The following DDX42 variants were observed in gnomAD, a reference collection of about 807,000 sequenced individuals.
DDX42 encodes the protein DEAD-box helicase 42.
Under a neutral mutation model 101.5 loss-of-function variants are expected in DDX42, and 22 were observed. The ratio of observed to expected loss-of-function variants is 0.22; its 90% CI spans 0.15 to 0.31. DDX42 has a LOEUF of 0.31. Ranked by LOEUF, DDX42 falls within the 10% of genes least tolerant of loss-of-function variation. The pLI, the probability that DDX42 is intolerant of heterozygous loss-of-function variation, is 1.00. For missense variants in DDX42, 849 were observed against 1,199.9 expected (o/e 0.71, Z 4.32); for synonymous variants, 402 against 401.2 (o/e 1.00, Z -0.02).
chr17:63,803,308 G>A (rs1396031817), intron 6 of DDX42, among the ~76,000 whole-genome samples: 2 of 151,762 alleles, frequency 1.3e-5, no homozygotes, highest in Non-Finnish European at 2.9e-5. Flanking sequence ...TCTGAAAAGG[G>A]CTGGGTGCGG....
At chr17:63,779,589 A>C (rs2039461399) in intron 1 of DDX42, among the ~76,000 whole-genome samples, 1 of 151,884 alleles carries the variant, frequency 6.6e-6, no homozygotes, top group African/African-American at 2.4e-5. Context: ...TTTTGGTACT[A>C]TCACCACAAT....
chr17:63,784,853 T>C (rs1397553290), intron 1 of DDX42, among the ~76,000 whole-genome samples: 1 of 152,158 alleles, frequency 6.6e-6, no homozygotes, highest in Non-Finnish European at 1.5e-5. Context: ...AGGAAATAAT[T>C]GAAGGTATGC....
Position 63,819,278 on chromosome 17 carries a change from C to T in DDX42, c.*880C>T, listed in dbSNP as rs1439577925. On this transcript the variant is annotated 3_prime_UTR_variant, in exon 18 of 18. Transcript: ENST00000389924. ...TGAAGGTTTCTTTAAGATGTGCATT[C>T]CTTTCTGCTTGCTCTCTAGTAAATG... 3 of 152,674 alleles carry T rather than the reference C, an allele frequency of 2.0e-5. No individual in the cohort carries two copies. The highest frequency in any genetic ancestry group is 7.2e-5 in the African/African-American group (3 of 41,388). 9.5% of individuals were successfully genotyped at this position (152,674 alleles called of 1,614,324 possible).
rs557471666 is a variant in DDX42 at position 63,799,524 on chromosome 17, G to C, written c.435-65G>C. On this transcript the variant is annotated intron_variant, in intron 4 of 17. Coordinates refer to ENST00000389924, the MANE Select transcript of DDX42 (RefSeq NM_203499.3). ...GTGTGGAATTCAACACTAATCTGCT[G>C]TAAGTATGGAGCTGGGTATGTGGAA... The C allele has an allele frequency of 8.8e-6, 14 of 1,583,240 alleles. No individual in the cohort carries two copies. In the East Asian group the frequency reaches 2.5e-4, roughly 28 times the overall value.
At chr17:63,782,444 T>G (rs2039500068) in intron 1 of DDX42, among the ~76,000 whole-genome samples, 1 of 152,068 alleles carries the variant, frequency 6.6e-6, no homozygotes, top group Non-Finnish European at 1.5e-5. Flanking sequence ...TCTACTCAGC[T>G]CTCTCATAGA....
chr17:63,809,021 A>G, intron 10 of DDX42, 73 bp downstream of exon 10: 2 of 1,575,692 alleles, frequency 1.3e-6, no homozygotes, highest in Non-Finnish European at 8.6e-7. Context: ...TTTGCAGAGA[A>G]TTTCCCCTAA....
intron 5 of DDX42, 65 bp downstream of exon 5, chr17:63,799,690 T>TA: frequency 6.6e-7 from 1 of 1,509,312 alleles, no homozygotes; most frequent in Non-Finnish European, 9.0e-7. Context: ...GGGGACAAGC[T>TA]AGAGCTTGCC....
chr17:63,811,233 CAG>C (rs765230966), intron 13 of DDX42, 60 bp downstream of exon 13: 3 of 1,213,778 alleles, frequency 2.5e-6, no homozygotes, highest in African/African-American at 1.5e-5. Flanking sequence ...TTATGGAACA[CAG>C]AATTAATTTC....
rs1491495725 is a variant in DDX42, at chr17:63,811,054, CAG to C, written c.1301-20_1301-19del. ...TAAAGATATCATATTGTTTCTCTAACAGAATTTATCTTACCTTTTAGCTCTCT... is the reference window on the plus strand; with the variant it reads ...TAAAGATATCATATTGTTTCTCTAACAATTTATCTTACCTTTTAGCTCTCT... On this transcript the variant is annotated intron_variant, in intron 12 of 17. Transcript: ENST00000389924. The C allele has an allele frequency of 6.2e-7, 1 of 1,601,114 alleles. No individual in the cohort carries two copies. Among genetic ancestry groups the C allele is most frequent in the Non-Finnish European group, 8.5e-7 (1 of 1,169,974 alleles).
chr17:63,817,606 T>C (rs576616235), intron 17 of DDX42, 88 bp from the exon 18 acceptor site: 1 of 1,303,634 alleles, frequency 7.7e-7, no homozygotes, highest in African/African-American at 1.5e-5. Context: ...GCACAGAGTT[T>C]CTGTAAACCT....
chr17:63,794,816 A>AT (rs1215468233), intron 3 of DDX42, among the ~76,000 whole-genome samples: 2 of 151,694 alleles, frequency 1.3e-5, no homozygotes, highest in African/African-American at 4.8e-5. Context: ...CATGCCTGTA[A>AT]TTCCTGCTAC....
intron 11 of DDX42, 112 bp downstream of exon 11, chr17:63,809,771 T>A (rs1426770834): frequency 1.2e-6 from 1 of 809,678 alleles, no homozygotes; most frequent in Non-Finnish European, 2.1e-6. Context: ...TACTCCTGGA[T>A]GGGGTTAGAC....
chr17:63,799,393 A>G lies in DDX42; in HGVS notation c.435-196A>G, dbSNP rs191987372. The stretch of plus-strand genomic sequence containing the variant: ...ATATCATCCCATTTAAAAGAAATGC[A>G]AACTGCAGATTATAGAGTGCAGCTA... On this transcript the variant is annotated intron_variant, in intron 4 of 17. Transcript: ENST00000389924. 5.1e-4 allele frequency: 233 copies of G among 452,890 alleles called. 2 individuals carry two copies. The highest frequency in any genetic ancestry group is 4.2e-3 in the East Asian group (128 of 30,210). The allele number at this position is 452,890 out of a possible 1,614,324, so 28.1% of individuals were successfully genotyped here.
chr17:63,807,435 G>A (rs926048417), intron 8 of DDX42, among the ~76,000 whole-genome samples: 15 of 152,116 alleles, frequency 9.9e-5, no homozygotes, highest in Admixed American at 3.3e-4. Flanking sequence ...GCCACTGCCC[G>A]GCCTTGATTT....
intron 7 of DDX42, 139 bp downstream of exon 7, chr17:63,805,314 C>T: frequency 9.8e-7 from 1 of 1,020,988 alleles, no homozygotes; most frequent in South Asian, 1.6e-5. Flanking sequence ...ATTATTATAT[C>T]CCTTCTGTTC....
At chr17:63,813,175 G>A (rs2039933347) in intron 14 of DDX42, 53 bp from the exon 15 acceptor site, 1 of 1,494,810 alleles carries the variant, frequency 6.7e-7, no homozygotes, top group African/African-American at 1.4e-5. Flanking sequence ...TGGTTACTTT[G>A]ATCTTCTGAC....
At chr17:63,809,432 G>C (rs2039882702) in intron 10 of DDX42, 128 bp from the exon 11 acceptor site, 3 of 678,888 alleles carry the variant, frequency 4.4e-6, no homozygotes, top group Admixed American at 2.7e-5. Flanking sequence ...AAGGTATGTG[G>C]CTGTTGGACC....
Position 63,807,754 on chromosome 17 carries a change from A to C in DDX42, c.877A>C (p.Met293Leu), listed in dbSNP as rs778461953. Residue 293 changes from methionine to leucine, a missense_variant, in exon 9 of 18, where the codon ATG becomes CTG. Physicochemically the swap from Met to Leu is conservative, Grantham distance 15 (BLOSUM62 2). Transcript: ENST00000389924. ...GVPVALSGRD[M>L]IGIAKTGSGK... ...GCCTGTGGCATTAAGTGGTAGAGAC[A>C]TGATTGGTATTGCCAAAACAGGTAG... 8.7e-6 allele frequency: 14 copies of C among 1,613,900 alleles called. No homozygotes were observed.
At chr17:63,804,787 T>A (rs1414444096) in intron 6 of DDX42, among the ~76,000 whole-genome samples, 1 of 152,250 alleles carries the variant, frequency 6.6e-6, no homozygotes, top group East Asian at 1.9e-4. Flanking sequence ...AGGTGGAGGC[T>A]GCAGTGAGCC....
Sources: gnomAD v4.1 joint callset for allele counts (sites outside exome capture counted in the v4.1 genomes callset) on GRCh38, gnomAD v4.1.1 for gene constraint, MANE v1.5 for transcripts, NCBI Gene and HGNC (gene_info 2026-07-23, HGNC 2026-07-21) for gene names.